The following SV2C variants were observed in gnomAD, a reference collection of about 807,000 sequenced individuals.
SV2C encodes the protein synaptic vesicle glycoprotein 2C, also known as solute carrier family 22 member B3.
A neutral mutation model predicts 79.7 loss-of-function variants in SV2C; 49 were observed. That is an observed-to-expected ratio of 0.61 (90% CI 0.49 to 0.78). The LOEUF (loss-of-function observed/expected upper bound fraction) is 0.78, where lower values mean the gene tolerates loss of function less well. Among genes scored for constraint, SV2C ranks in the 30% least tolerant of loss-of-function variants. SV2C has a pLI of 0.00. For synonymous variants in SV2C, 334 were observed against 333.2 expected (o/e 1.00, Z -0.03); for missense variants, 833 against 912.9 (o/e 0.91, Z 1.13).
chr5:76,258,952 C>G (rs1002936820), intron 4 of SV2C, among the ~76,000 whole-genome samples: 2 of 152,176 alleles, frequency 1.3e-5, no homozygotes, highest in African/African-American at 4.8e-5. Context: ...TAAAATTCAT[C>G]CTGGTTGTTG....
intron 12 of SV2C, among the ~76,000 whole-genome samples, chr5:76,309,604 A>T: frequency 6.8e-6 from 1 of 146,728 alleles, no homozygotes. Flanking sequence ...CATCTCAAAA[A>T]AAAAAAAAAA....
intron 4 of SV2C, among the ~76,000 whole-genome samples, chr5:76,220,122 T>C (rs966246523): frequency 6.6e-6 from 1 of 152,242 alleles, no homozygotes; most frequent in Non-Finnish European, 1.5e-5. Context: ...CACAGACCTC[T>C]TCCCAAAATA....
the SV2C span, among the ~76,000 whole-genome samples, chr5:76,048,988 AAAGAAAGAAAGAAAG>A: frequency 1.1e-5 from 1 of 93,376 alleles, no homozygotes; most frequent in African/African-American, 3.8e-5. Context: ...AGAAAGAAAG[AAAGAAAGAAAGAAAG>A]AAAGAAAGAA....
At chr5:75,856,208 G>T in the SV2C span, among the ~76,000 whole-genome samples, 2 of 152,112 alleles carry the variant, frequency 1.3e-5, no homozygotes, top group Non-Finnish European at 2.9e-5. Flanking sequence ...ATGGAACTTG[G>T]GTTGCTTCCA....
At chr5:76,168,508 C>G (rs1743111104) in intron 2 of SV2C, among the ~76,000 whole-genome samples, 1 of 152,144 alleles carries the variant, frequency 6.6e-6, no homozygotes, top group African/African-American at 2.4e-5. Flanking sequence ...AATTCTGAAT[C>G]TCCTTTTGGA....
chr5:76,253,744 A>G (rs1197075343), intron 4 of SV2C, among the ~76,000 whole-genome samples: 2 of 151,122 alleles, frequency 1.3e-5, no homozygotes, highest in Admixed American at 1.3e-4. Context: ...TTTCCTTACT[A>G]CGAAGATTTT....
Position 76,300,882 on chromosome 5 carries a change from A to T in SV2C, c.1790A>T (p.Asn597Ile), listed in dbSNP as rs1393937109. 6.2e-7 allele frequency: 1 copy of T among 1,614,024 alleles called. No individual in the cohort carries two copies. Among genetic ancestry groups the T allele is most frequent in the Non-Finnish European group, 8.5e-7 (1 of 1,179,988 alleles). The change falls in exon 11 of 13, where the codon AAC becomes ATC. Residue 597 changes from asparagine to isoleucine, a missense_variant. Coordinates refer to ENST00000502798, the MANE Select transcript of SV2C (RefSeq NM_014979.4). ...GGGACATTGGCAGTATTGCCAGGGA[A>T]CATTGTGTCTGCTCTGCTGATGGAC... is the stretch of plus-strand genomic sequence containing the variant. ...FLGTLAVLPG[N>I]IVSALLMDRI...
the SV2C span, among the ~76,000 whole-genome samples, chr5:76,031,397 G>A: frequency 2.0e-5 from 3 of 152,188 alleles, no homozygotes; most frequent in Non-Finnish European, 2.9e-5. Flanking sequence ...ACACGGCAAT[G>A]CTGGCTGTCG....
chr5:76,185,886 A>G (rs891821427), intron 2 of SV2C, among the ~76,000 whole-genome samples: 4 of 152,140 alleles, frequency 2.6e-5, no homozygotes, highest in Non-Finnish European at 5.9e-5. Flanking sequence ...CTCCCCAGAA[A>G]ATGGGTTTTT....
intron 4 of SV2C, among the ~76,000 whole-genome samples, chr5:76,274,066 G>A (rs1483481194): frequency 6.6e-6 from 1 of 152,218 alleles, no homozygotes; most frequent in Non-Finnish European, 1.5e-5. Context: ...TGTATTGTCA[G>A]TGTTTAGATT....
At chr5:76,139,130 AG>A (rs1749168926) in intron 2 of SV2C, among the ~76,000 whole-genome samples, 1 of 151,052 alleles carries the variant, frequency 6.6e-6, no homozygotes, top group African/African-American at 2.4e-5. Flanking sequence ...AAAAAAAAAA[AG>A]AATGTATTAT....
the SV2C span, among the ~76,000 whole-genome samples, chr5:75,892,889 G>C: frequency 6.6e-6 from 1 of 152,072 alleles, no homozygotes; most frequent in African/African-American, 2.4e-5. Context: ...GAACATATGA[G>C]TGCATGTGTC....
At chr5:76,052,322 G>A in the SV2C span, among the ~76,000 whole-genome samples, 1 of 152,224 alleles carries the variant, frequency 6.6e-6, no homozygotes, top group African/African-American at 2.4e-5. Flanking sequence ...TAAATTCAGA[G>A]ATTGCAGGCA....
chr5:76,221,808 T>A (rs930527144), intron 4 of SV2C, among the ~76,000 whole-genome samples: 6 of 151,922 alleles, frequency 3.9e-5, no homozygotes, highest in African/African-American at 1.5e-4. Context: ...GCAGACTAGA[T>A]CCCCCTCAAA....
intron 1 of SV2C, among the ~76,000 whole-genome samples, chr5:76,113,890 G>A (rs144073166): frequency 9.2e-5 from 14 of 151,958 alleles, no homozygotes; most frequent in Admixed American, 2.0e-4. Flanking sequence ...TCTTTCTAAC[G>A]CATAGATTTG....
At chr5:76,181,704 C>T (rs2112300973) in intron 2 of SV2C, among the ~76,000 whole-genome samples, 1 of 152,208 alleles carries the variant, frequency 6.6e-6, no homozygotes, top group South Asian at 2.1e-4. Context: ...TAGAAACCAC[C>T]CCCATGATCA....
the SV2C span, among the ~76,000 whole-genome samples, chr5:75,909,171 C>A: frequency 1.3e-5 from 2 of 152,158 alleles, no homozygotes; most frequent in Non-Finnish European, 2.9e-5. Flanking sequence ...CACTGATTTC[C>A]ACGGTGCCAT....
chr5:75,905,381 A>G, the SV2C span, among the ~76,000 whole-genome samples: 2 of 152,232 alleles, frequency 1.3e-5, no homozygotes, highest in Admixed American at 6.5e-5. Context: ...CAAAGCATCT[A>G]GAAAGCAGTT....
chr5:75,860,472 A>G, the SV2C span, among the ~76,000 whole-genome samples: 1 of 152,238 alleles, frequency 6.6e-6, no homozygotes, highest in Non-Finnish European at 1.5e-5. Context: ...TTTTATGATC[A>G]CAGATTGGAA....
Sources: gnomAD v4.1 joint callset for allele counts (sites outside exome capture counted in the v4.1 genomes callset) on GRCh38, gnomAD v4.1.1 for gene constraint, MANE v1.5 for transcripts, NCBI Gene and HGNC (gene_info 2026-07-23, HGNC 2026-07-21) for gene names.